The following ENO4 variants were observed in gnomAD, a reference collection of about 807,000 sequenced individuals.
ENO4 encodes enolase 4.
In ENO4, 53 loss-of-function variants were observed where a neutral mutation model predicts 63.2. The ratio of observed to expected loss-of-function variants is 0.84; its 90% CI spans 0.67 to 1.05. The LOEUF (loss-of-function observed/expected upper bound fraction) is 1.05, where lower values mean the gene tolerates loss of function less well. Ranked by LOEUF, ENO4 falls within the 50% of genes least tolerant of loss-of-function variation. The pLI, the probability that ENO4 is intolerant of heterozygous loss-of-function variation, is 0.00. For missense variants in ENO4, 719 were observed against 772.0 expected (o/e 0.93, Z 0.81); for synonymous variants, 266 against 283.8 (o/e 0.94, Z 0.63).
In ENO4 at chr10:116,893,629, G is replaced by A. The variant is rs537756176; in HGVS notation, c.1194+13643G>A. Among the ~76,000 whole-genome samples the A allele has an allele frequency of 1.3e-4, 8 of 61,700 alleles. 1 individual carries two copies. The highest frequency in any genetic ancestry group is 1.8e-4 in the Non-Finnish European group (5 of 28,042). 40.5% of individuals were successfully genotyped at this position (61,700 alleles called of 152,430 possible). ...GAAAGCGGAGAAGCGGAGGTTATGAGGAAATGGTGGGGGTGGGAGTATCTA... is the reference window on the plus strand; with the variant it reads ...GAAAGCGGAGAAGCGGAGGTTATGAAGAAATGGTGGGGGTGGGAGTATCTA... On this transcript the variant is annotated intron_variant, in intron 10 of 10. Transcript: ENST00000369207.
At chr10:116,891,889 C>T (rs561968739) in intron 10 of ENO4, among the ~76,000 whole-genome samples, 1 of 152,174 alleles carries the variant, frequency 6.6e-6, no homozygotes, top group South Asian at 2.1e-4. Context: ...GGTACTTTTT[C>T]AAAACTTCAT....
chr10:116,901,580 G>T, intron 10 of ENO4: 1 of 985,290 alleles, frequency 1.0e-6, no homozygotes, highest in Non-Finnish European at 1.2e-6. Flanking sequence ...ACTTGCTTTG[G>T]ATCTGAATGA....
chr10:116,884,620 A>C (rs1847110828), downstream of ENO4: 1 of 175,148 alleles, frequency 5.7e-6, no homozygotes, highest in Non-Finnish European at 1.2e-5. Flanking sequence ...GCTGGCAGAC[A>C]GATCACAGAT....
chr10:116,899,934 A>G (rs1166445974), intron 10 of ENO4, among the ~76,000 whole-genome samples: 3 of 152,114 alleles, frequency 2.0e-5, no homozygotes, highest in Non-Finnish European at 2.9e-5. Context: ...CAAATGATAC[A>G]AACTGTTAAA....
intron 10 of ENO4, chr10:116,900,355 G>A: frequency 1.7e-6 from 1 of 603,826 alleles, no homozygotes; most frequent in Non-Finnish European, 2.9e-6. Context: ...CTGCCTTTAT[G>A]GCATCTAACA....
intron 10 of ENO4, among the ~76,000 whole-genome samples, chr10:116,890,131 C>T (rs922549733): frequency 1.3e-5 from 2 of 150,222 alleles, no homozygotes; most frequent in Admixed American, 1.3e-4. Flanking sequence ...TGCAACACTT[C>T]AATGGGAATT....
intron 7 of ENO4, among the ~76,000 whole-genome samples, chr10:116,867,828 C>T (rs137902714): frequency 1.3e-5 from 2 of 152,144 alleles, no homozygotes; most frequent in Non-Finnish European, 2.9e-5. Context: ...TAATGCAAAC[C>T]AAGACTGTTC....
chr10:116,899,506 GGTGTGTGTGT>G (rs370396879), intron 10 of ENO4, among the ~76,000 whole-genome samples: 23 of 124,500 alleles, frequency 1.8e-4, no homozygotes, highest in Middle Eastern at 3.9e-3. Flanking sequence ...GGCTGGGGCT[GGTGTGTGTGT>G]GTGTGTGTGT....
At chr10:116,907,059 C>T (rs1435959377) in intron 10 of ENO4, among the ~76,000 whole-genome samples, 2 of 152,066 alleles carry the variant, frequency 1.3e-5, no homozygotes, top group African/African-American at 4.8e-5. Context: ...ACGATTAAGA[C>T]GTGATGTGTG....
chr10:116,907,915 A>C (rs371935447), intron 10 of ENO4: 2 of 517,970 alleles, frequency 3.9e-6, no homozygotes, highest in African/African-American at 1.9e-5. Flanking sequence ...CTGCCTGCCA[A>C]CTACCTGAAG....
At chr10:116,899,753 C>T (rs1847665240) in intron 10 of ENO4, among the ~76,000 whole-genome samples, 1 of 152,122 alleles carries the variant, frequency 6.6e-6, no homozygotes, top group South Asian at 2.1e-4. Flanking sequence ...AAATACTTTA[C>T]TTATTAATTG....
downstream of ENO4, chr10:116,884,301 T>G (rs762408500): frequency 8.8e-6 from 4 of 455,828 alleles, no homozygotes; most frequent in Admixed American, 7.0e-5. Context: ...AAAACCAAAG[T>G]GAAAAGGGAA....
intron 8 of ENO4, among the ~76,000 whole-genome samples, chr10:116,870,195 C>T (rs1223331137): frequency 6.6e-6 from 1 of 152,188 alleles, no homozygotes; most frequent in Non-Finnish European, 1.5e-5. Context: ...ACACCCCTTA[C>T]CTTAAGCCCT....
Position 116,901,027 on chromosome 10 carries a change from A to C in ENO4, c.1195-10472A>C, listed in dbSNP as rs926646936. ...TTCTTTCTCTCTTGATAGGACAGGA[A>C]ATCAGAGGTTTAATTAACCATGATT... On this transcript the variant is annotated intron_variant, in intron 10 of 10. Coordinates refer to the ENO4 transcript ENST00000369207. 4.1e-6 allele frequency: 4 copies of C among 985,428 alleles called. No individual in the cohort carries two copies. In the South Asian group the frequency reaches 1.4e-4, roughly 35 times the overall value. 61.0% of individuals were successfully genotyped at this position (985,428 alleles called of 1,614,324 possible).
At chr10:116,907,980 G>A (rs1445325371) in intron 10 of ENO4, 2 of 492,652 alleles carry the variant, frequency 4.1e-6, no homozygotes, top group South Asian at 1.5e-5. Context: ...TTTACAAGAA[G>A]CCTTGTTTCT....
chr10:116,866,411 A>G (rs1240353954), intron 7 of ENO4, among the ~76,000 whole-genome samples: 1 of 152,254 alleles, frequency 6.6e-6, no homozygotes, highest in Non-Finnish European at 1.5e-5. Flanking sequence ...TAGCAGAAAG[A>G]GCACAATCTT....
At chr10:116,912,367 G>C (rs560248098), downstream of ENO4, among the ~76,000 whole-genome samples, 1 of 152,216 alleles carries the variant, frequency 6.6e-6, no homozygotes, top group African/African-American at 2.4e-5. Context: ...GGACAGAGTC[G>C]AGAGAGCAGG....
intron 10 of ENO4, among the ~76,000 whole-genome samples, chr10:116,898,886 T>A (rs978294483): frequency 2.6e-5 from 4 of 152,196 alleles, no homozygotes; most frequent in Admixed American, 1.3e-4. Context: ...AATCAGTATA[T>A]CTTTGACTTT....
intron 10 of ENO4, among the ~76,000 whole-genome samples, chr10:116,907,739 C>A (rs1848028911): frequency 6.6e-6 from 1 of 152,146 alleles, no homozygotes; most frequent in African/African-American, 2.4e-5. Flanking sequence ...GCAGGAGAAC[C>A]ATACATAATC....
Sources: gnomAD v4.1 joint callset for allele counts (sites outside exome capture counted in the v4.1 genomes callset) on GRCh38, gnomAD v4.1.1 for gene constraint, MANE v1.5 for transcripts, NCBI Gene and HGNC (gene_info 2026-07-23, HGNC 2026-07-21) for gene names.